Variants in SLC25A15 observed in about 807,000 individuals in gnomAD.
SLC25A15 encodes mitochondrial ornithine transporter 1.
Under a neutral mutation model 32.3 loss-of-function variants are expected in SLC25A15, and 24 were observed. The ratio of observed to expected loss-of-function variants is 0.74; its 90% confidence interval spans 0.54 to 1.04. The LOEUF (loss-of-function observed/expected upper bound fraction) is 1.04, where lower values mean the gene tolerates loss of function less well. SLC25A15 is among the 50% of genes least tolerant of loss of function. The pLI is 0.00. For missense variants in SLC25A15, 317 were observed against 374.5 expected, an observed-to-expected ratio of 0.85 and a Z score of 1.27; for synonymous variants, 132 against 142.1, an observed-to-expected ratio of 0.93 and a Z score of 0.51.
At chr13:40,798,909 T>C (rs1475194625) in intron 2 of SLC25A15, 148 bp from the exon 3 acceptor site, 2 of 1,568,654 alleles carry the variant, frequency 1.3e-6, no homozygotes, top group Admixed American at 3.6e-5. Flanking sequence ...CTAAATTGTT[T>C]ACTGGACATG....
chr13:40,808,331 G>A lies in SLC25A15; in HGVS notation c.623-107G>A. 6.4e-6 allele frequency: 6 copies of A among 934,530 alleles called. No individual in the cohort carries two copies. In the South Asian group the frequency reaches 7.9e-5, roughly 12 times the overall value. 57.9% of individuals were successfully genotyped at this position (934,530 alleles called of 1,614,324 possible). A position where few individuals can be genotyped will look rare whatever the true frequency, so the allele number is the denominator to read the frequency against. On this transcript the variant is annotated intron_variant, in intron 5 of 6. Transcript: ENST00000338625. Reference sequence around the variant, plus strand: ...CAAAGAATTGTATTCTGTAGCATTAGCATTTTTATTTTCATCTACCTGCAG... The same window carrying A: ...CAAAGAATTGTATTCTGTAGCATTAACATTTTTATTTTCATCTACCTGCAG...
At chr13:40,798,655 C>T in intron 2 of SLC25A15, 1 of 518,416 alleles carries the variant, frequency 1.9e-6, no homozygotes, top group Non-Finnish European at 2.5e-6. Context: ...CCTGTCTCCT[C>T]CATTTTTATT....
At chr13:40,802,294 A>G (rs968501154) in intron 3 of SLC25A15, 2 of 152,234 alleles carry the variant, frequency 1.3e-5, no homozygotes, top group Non-Finnish European at 2.9e-5. Context: ...ACCCCATAAA[A>G]GCGTGTGCAA....
chr13:40,802,446 C>G (rs932671656), intron 3 of SLC25A15: 1 of 152,238 alleles, frequency 6.6e-6, no homozygotes, highest in Admixed American at 6.5e-5. Flanking sequence ...AGAGTTGCCT[C>G]TGGCCATGGT....
In SLC25A15 at chr13:40,793,083, C is replaced by T. The variant is rs1027045279; in HGVS notation, c.-69-75C>T. 1.8e-5 allele frequency: 14 copies of T among 798,342 alleles called. No homozygotes were observed. The Admixed American group carries it at 2.6e-4, about 15-fold the overall frequency. 49.5% of individuals were successfully genotyped at this position (798,342 alleles called of 1,614,324 possible). ...GTCATGGCTCCCAGAAGTTTAGGTT[C>T]TGTAATTTGGCTGCAGGCCTAGAGA... On this transcript the variant is annotated intron_variant, in intron 1 of 6. Transcript: ENST00000338625.
At chr13:40,809,267 G>C (rs1464040792) in intron 6 of SLC25A15, among the ~76,000 whole-genome samples, 1 of 152,204 alleles carries the variant, frequency 6.6e-6, no homozygotes, top group Non-Finnish European at 1.5e-5. Context: ...GCCATCTCAG[G>C]CCTCAGCTCT....
chr13:40,797,718 A>T (rs1175559237), intron 2 of SLC25A15, among the ~76,000 whole-genome samples: 1 of 152,212 alleles, frequency 6.6e-6, no homozygotes, highest in African/African-American at 2.4e-5. Flanking sequence ...ATTGAGAATT[A>T]TTCTTAATGT....
chr13:40,809,550 G>A lies in SLC25A15; in HGVS notation c.789G>A (p.Thr263=), dbSNP rs144478411. 5.7e-5 allele frequency: 92 copies of A among 1,611,970 alleles called. 1 individual carries two copies. The highest frequency in any genetic ancestry group is 5.6e-4 in the East Asian group (25 of 44,878). Residue 263 remains threonine (T), a synonymous_variant, in exon 7 of 7, where the codon ACG becomes ACA. Transcript: ENST00000338625. The part of the protein sequence containing the change: ...FINVVKNEGI[T]ALYSGLKPTM... ...CGCCCTTTTATTTGCTAGGAATAAC[G>A]GCCTTATATTCTGGACTGAAACCTA...
chr13:40,799,023 C>T, intron 2 of SLC25A15, 34 bp from the exon 3 acceptor site: 2 of 1,614,126 alleles, frequency 1.2e-6, no homozygotes, highest in African/African-American at 1.3e-5. Flanking sequence ...GAACTGTAGC[C>T]TCGTACTAGA....
intron 1 of SLC25A15, among the ~76,000 whole-genome samples, 153 bp downstream of exon 1, chr13:40,789,816 G>A (rs1006523585): frequency 2.0e-5 from 3 of 152,038 alleles, no homozygotes; most frequent in Non-Finnish European, 1.5e-5. Flanking sequence ...ACGTGCCGCG[G>A]GACTCGGAGA....
At chr13:40,808,207 A>G (rs1282881585) in intron 5 of SLC25A15, among the ~76,000 whole-genome samples, 1 of 152,192 alleles carries the variant, frequency 6.6e-6, no homozygotes, top group Non-Finnish European at 1.5e-5. Context: ...ACCCTCACTA[A>G]GGCTTCTTGT....
In SLC25A15 at chr13:40,808,461, G is replaced by C; in HGVS notation, c.646G>C (p.Gly216Arg). The C allele has an allele frequency of 6.2e-7, 1 of 1,613,496 alleles. No individual in the cohort carries two copies. The highest frequency in any genetic ancestry group is 8.5e-7 in the Non-Finnish European group (1 of 1,179,946). Residue 216 changes from glycine to arginine, a missense_variant, in exon 6 of 7, where the codon GGT (glycine) becomes CGT (arginine). By Grantham distance (125) the Gly-to-Arg change is moderately radical. Coordinates refer to ENST00000338625, the MANE Select transcript of SLC25A15 (RefSeq NM_014252.4). ...AGGCCCTGTACCTTTGATGTTAAGTGGTGGAGTTGGTGGGATTTGCCTCTG... is the reference window on the plus strand; with the variant it reads ...AGGCCCTGTACCTTTGATGTTAAGTCGTGGAGTTGGTGGGATTTGCCTCTG... ...ELGPVPLMLS[G>R]GVGGICLWLA...
chr13:40,794,128 G>A (rs576868778), intron 2 of SLC25A15, among the ~76,000 whole-genome samples: 1 of 152,322 alleles, frequency 6.6e-6, no homozygotes, highest in African/African-American at 2.4e-5. Context: ...ATCACCTGAG[G>A]TGAGGAGTTC....
Position 40,807,327 on chromosome 13 carries a change from G to T in SLC25A15, c.486G>T (p.Arg162Ser), listed in dbSNP as rs1038825312. 2.5e-6 allele frequency: 4 copies of T among 1,613,938 alleles called. No individual in the cohort carries two copies. Among genetic ancestry groups the T allele is most frequent in the Non-Finnish European group, 3.4e-6 (4 of 1,180,020 alleles). ...TVWSVIKSIL[R>S]KDGPLGFYHG... ...GGTCTGTCATCAAAAGTATTCTTAG[G>T]AAAGATGGCCCCTTGGGGTTCTACC... Residue 162 changes from arginine (R) to serine (S), a missense_variant, in exon 5 of 7, where the codon AGG becomes AGT. Coordinates refer to ENST00000338625, the MANE Select transcript of SLC25A15 (RefSeq NM_014252.4).
In SLC25A15 at chr13:40,808,444, T is replaced by C; in HGVS notation, c.629T>C (p.Val210Ala). Residue 210 changes from valine to alanine, a missense_variant, in exon 6 of 7, where the codon GTA becomes GCA. Coordinates refer to ENST00000338625, the MANE Select transcript of SLC25A15 (RefSeq NM_014252.4). ...CTATTTTTTTTTTCTCTAGGCCCTGTACCTTTGATGTTAAGTGGTGGAGTT... is the reference window on the plus strand; with the variant it reads ...CTATTTTTTTTTTCTCTAGGCCCTGCACCTTTGATGTTAAGTGGTGGAGTT... ...SGRSKDELGP[V>A]PLMLSGGVGG... 1 of 1,613,462 alleles carries C rather than the reference T, an allele frequency of 6.2e-7. No individual in the cohort carries two copies. Among genetic ancestry groups the C allele is most frequent in the South Asian group, 1.1e-5 (1 of 91,082 alleles).
At chr13:40,804,983 TA>T in intron 3 of SLC25A15, 134 bp from the exon 4 acceptor site, 1 of 999,942 alleles carries the variant, frequency 1.0e-6, no homozygotes, top group Non-Finnish European at 1.6e-6. Context: ...CTCAGTCTCC[TA>T]AGTAGCTGTA....
chr13:40,793,802 A>G (rs183562716), intron 2 of SLC25A15, among the ~76,000 whole-genome samples: 1 of 152,340 alleles, frequency 6.6e-6, no homozygotes, highest in East Asian at 1.9e-4. Context: ...AGTGTCCGTT[A>G]TTGTTAACAC....
At position 40,810,839 on chromosome 13, in the gene SLC25A15, G is replaced by T. The variant is rs371045614; in HGVS notation, c.*1172G>T. ...GAAGACCCATGTGGCTAGCAACAGC[G>T]CTTACCTTTTGTCTCTGGGTCCTGG... On this transcript the variant is annotated 3_prime_UTR_variant, in exon 7 of 7. Coordinates refer to ENST00000338625, the MANE Select transcript of SLC25A15 (RefSeq NM_014252.4). 1 of 534,788 alleles carries T rather than the reference G, an allele frequency of 1.9e-6. No homozygotes were observed. The highest frequency in any genetic ancestry group is 5.4e-5 in the East Asian group (1 of 18,360). The allele number at this position is 534,788 out of a possible 1,614,324, so 33.1% of individuals were successfully genotyped here.
In SLC25A15 at chr13:40,809,827, C is replaced by G; in HGVS notation, c.*160C>G. 1.4e-6 allele frequency: 1 copy of G among 694,508 alleles called. No individual in the cohort carries two copies. 43.0% of individuals were successfully genotyped at this position (694,508 alleles called of 1,614,324 possible). Reference sequence around the variant, plus strand: ...TACATCTTAAACTTTATGGAAGAACCTCTATTTTGCATCATATCATTTCTG... The same window carrying G: ...TACATCTTAAACTTTATGGAAGAACGTCTATTTTGCATCATATCATTTCTG... On this transcript the variant is annotated 3_prime_UTR_variant, in exon 7 of 7. Transcript: ENST00000338625.
Sources: gnomAD v4.1 joint callset for allele counts (sites outside exome capture counted in the v4.1 genomes callset) on GRCh38, gnomAD v4.1.1 for gene constraint, MANE v1.5 for transcripts, NCBI Gene and HGNC (gene_info 2026-07-23, HGNC 2026-07-21) for gene names.